SMARCAD1: variants seen among roughly 807,000 people sequenced by gnomAD.
SMARCAD1 encodes SWI/SNF-related matrix-associated actin-dependent regulator of chromatin subfamily A containing DEAD/H box 1.
In SMARCAD1, 25 loss-of-function variants were observed where a neutral mutation model predicts 127.1. The ratio of observed to expected loss-of-function variants is 0.20; its 90% CI spans 0.14 to 0.27. The LOEUF (loss-of-function observed/expected upper bound fraction) is 0.27. SMARCAD1 is among the 10% of genes least tolerant of loss of function. The pLI is 1.00. For missense variants in SMARCAD1, 807 were observed against 1,206.0 expected (o/e 0.67, Z 4.90); for synonymous variants, 400 against 396.9 (o/e 1.01, Z -0.09).
intron 9 of SMARCAD1, among the ~76,000 whole-genome samples, chr4:94,260,261 T>TA (rs1463209015): frequency 6.6e-6 from 1 of 152,224 alleles, no homozygotes; most frequent in Admixed American, 6.5e-5. Flanking sequence ...ATCTGATTGT[T>TA]ACTTTTTGTA....
intron 8 of SMARCAD1, among the ~76,000 whole-genome samples, chr4:94,251,037 A>G (rs2125914027): frequency 6.6e-6 from 1 of 152,326 alleles, no homozygotes; most frequent in Admixed American, 6.5e-5. Flanking sequence ...ATAGTGTAAA[A>G]CAAAACAATA....
chr4:94,233,877 A>G, intron 3 of SMARCAD1, 77 bp from the exon 4 acceptor site: 7 of 1,379,812 alleles, frequency 5.1e-6, no homozygotes, highest in Admixed American at 1.8e-5. Context: ...TGTACTATGT[A>G]TACACATAGA....
chr4:94,279,076 C>T, intron 19 of SMARCAD1, 26 bp downstream of exon 19: 2 of 1,613,530 alleles, frequency 1.2e-6, no homozygotes, highest in African/African-American at 2.7e-5. Flanking sequence ...TATGTTAACA[C>T]TAAGCTTTAA....
chr4:94,283,842 A>C (rs927651775), intron 22 of SMARCAD1, among the ~76,000 whole-genome samples: 1 of 151,816 alleles, frequency 6.6e-6, no homozygotes, highest in Non-Finnish European at 1.5e-5. Context: ...AACAAACAAA[A>C]AAATTGTCTA....
intron 16 of SMARCAD1, 62 bp from the exon 17 acceptor site, chr4:94,278,360 T>TA: frequency 7.4e-7 from 1 of 1,356,070 alleles, no homozygotes; most frequent in Non-Finnish European, 1.1e-6. Flanking sequence ...TGTGTAATAA[T>TA]ACTGTTATTG....
chr4:94,256,255 G>A (rs774832311), intron 9 of SMARCAD1, among the ~76,000 whole-genome samples: 18 of 151,758 alleles, frequency 1.2e-4, no homozygotes, highest in Non-Finnish European at 2.2e-4. Flanking sequence ...TGTAGATCCA[G>A]TTTTCCTTGG....
chr4:94,210,929 CAA>C (rs747690168), intron 2 of SMARCAD1, among the ~76,000 whole-genome samples: 3 of 57,038 alleles, frequency 5.3e-5, no homozygotes, highest in Non-Finnish European at 8.7e-5. Context: ...GACTGTATCT[CAA>C]AAAAAAAAAA....
chr4:94,277,613 G>A (rs1446872509), intron 16 of SMARCAD1, among the ~76,000 whole-genome samples: 4 of 152,126 alleles, frequency 2.6e-5, no homozygotes, highest in South Asian at 4.1e-4. Context: ...AACTAAAAGC[G>A]ACAGTAAAGA....
At chr4:94,224,047 A>G (rs1306301147) in intron 2 of SMARCAD1, among the ~76,000 whole-genome samples, 2 of 152,174 alleles carry the variant, frequency 1.3e-5, no homozygotes, top group African/African-American at 4.8e-5. Context: ...ATCAGAGTCT[A>G]AAGTACCTCT....
intron 6 of SMARCAD1, among the ~76,000 whole-genome samples, chr4:94,241,207 A>G (rs1336338529): frequency 6.6e-6 from 1 of 152,208 alleles, no homozygotes; most frequent in Non-Finnish European, 1.5e-5. Flanking sequence ...AGCACAGACT[A>G]TTTTGTGTCT....
intron 3 of SMARCAD1, 84 bp from the exon 4 acceptor site, chr4:94,233,870 A>T: frequency 7.6e-7 from 1 of 1,319,890 alleles, no homozygotes; most frequent in Non-Finnish European, 1.1e-6. Flanking sequence ...GATGTGTTGT[A>T]CTATGTATAC....
intron 21 of SMARCAD1, among the ~76,000 whole-genome samples, chr4:94,282,520 G>A (rs1754254693): frequency 6.6e-6 from 1 of 151,834 alleles, no homozygotes; most frequent in South Asian, 2.1e-4. Context: ...CATTTTAAGG[G>A]TAATTAAAGT....
chr4:94,272,758 T>C (rs1315328495), intron 11 of SMARCAD1, among the ~76,000 whole-genome samples: 2 of 152,158 alleles, frequency 1.3e-5, no homozygotes, highest in Non-Finnish European at 2.9e-5. Flanking sequence ...GTTGATCTTC[T>C]TCTGTTGGAT....
rs1302416258 is a variant in SMARCAD1 at position 94,236,945 on chromosome 4, CTG to C, written c.538-5_538-4del. ...TTTAAAACATTAATCTTTTCTCGTTCTGTTAGTTGATTGAATCAACAAGCACT... is the reference window on the plus strand; with the variant it reads ...TTTAAAACATTAATCTTTTCTCGTTCTTAGTTGATTGAATCAACAAGCACT... On this transcript the variant is annotated splice_polypyrimidine_tract_variant and splice_region_variant and intron_variant, in intron 4 of 23. Coordinates refer to ENST00000354268, the MANE Select transcript of SMARCAD1 (RefSeq NM_020159.5). The C allele has an allele frequency of 6.2e-7, 1 of 1,609,882 alleles. No individual in the cohort carries two copies. Among genetic ancestry groups the C allele is most frequent in the Non-Finnish European group, 8.5e-7 (1 of 1,176,750 alleles).
chr4:94,289,008 T>C (rs1022462953), intron 23 of SMARCAD1, among the ~76,000 whole-genome samples: 5 of 152,174 alleles, frequency 3.3e-5, no homozygotes, highest in African/African-American at 1.2e-4. Flanking sequence ...TATGCTGTGC[T>C]CAGAATGTTG....
intron 3 of SMARCAD1, among the ~76,000 whole-genome samples, chr4:94,226,671 A>G (rs1745070380): frequency 6.6e-6 from 1 of 152,028 alleles, no homozygotes; most frequent in Non-Finnish European, 1.5e-5. Context: ...TGTTTATTGG[A>G]AACAGTCTGA....
At chr4:94,215,913 C>G (rs1021644856) in intron 2 of SMARCAD1, among the ~76,000 whole-genome samples, 1 of 152,008 alleles carries the variant, frequency 6.6e-6, no homozygotes, top group African/African-American at 2.4e-5. Context: ...TAATACATGT[C>G]TCTCCGATAA....
At chr4:94,219,382 A>AT (rs944143699) in intron 2 of SMARCAD1, among the ~76,000 whole-genome samples, 29 of 151,890 alleles carry the variant, frequency 1.9e-4, no homozygotes, top group African/African-American at 6.5e-4. Flanking sequence ...CCCACTAGTG[A>AT]TTTTTTTTGT....
intron 7 of SMARCAD1, among the ~76,000 whole-genome samples, chr4:94,250,303 T>A (rs547749781): frequency 1.4e-4 from 22 of 152,158 alleles, no homozygotes; most frequent in Middle Eastern, 3.4e-3. Flanking sequence ...ACATTTACAC[T>A]TGCACTGATT....
Sources: allele counts gnomAD v4.1 joint callset (sites outside exome capture counted in the v4.1 genomes callset), GRCh38; gene constraint gnomAD v4.1.1; transcripts MANE v1.5; gene names NCBI Gene and HGNC (gene_info 2026-07-23, HGNC 2026-07-21).